The following AGR3 variants were observed in gnomAD, a reference collection of about 807,000 sequenced individuals.
The protein encoded by AGR3 is anterior gradient 3, protein disulphide isomerase family member, also known as anterior gradient protein 3.
Under a neutral mutation model 24.5 loss-of-function variants are expected in AGR3, and 37 were observed. The observed-to-expected ratio is 1.51, with a 90% CI of 1.16 to 1.99. The LOEUF (loss-of-function observed/expected upper bound fraction) is 1.99. AGR3 is among the 30% of genes most tolerant of loss of function. The pLI is 0.00. For synonymous variants in AGR3, 75 were observed against 61.6 expected (o/e 1.22, Z -1.02); for missense variants, 228 against 191.1 (o/e 1.19, Z -1.14).
chr7:16,862,857 G>T (rs938560526), intron 3 of AGR3, among the ~76,000 whole-genome samples, 195 bp from the exon 4 acceptor site: 1 of 152,126 alleles, frequency 6.6e-6, no homozygotes, highest in Admixed American at 6.5e-5. Context: ...GTATCACTAG[G>T]TAGCTTATTA....
In AGR3 at chr7:16,873,902, G is replaced by A. The variant is rs528025068; in HGVS notation, c.110-59C>T. The stretch of plus-strand genomic sequence containing the variant: ...CAGAACTAGAGAAGAGCTCGGAAAT[G>A]GGTATCTAATAATCAGATATCTACC... On this transcript the variant is annotated intron_variant, in intron 2 of 7. Transcript: ENST00000310398. The A allele has an allele frequency of 2.1e-4, 263 of 1,247,852 alleles. 1 individual carries two copies. The South Asian group carries it at 3.0e-3, about 14-fold the overall frequency. 77.3% of individuals were successfully genotyped at this position (1,247,852 alleles called of 1,614,324 possible). A position where few individuals can be genotyped will look rare whatever the true frequency, so the allele number is the denominator to read the frequency against.
chr7:16,866,078 A>G (rs13241478), intron 3 of AGR3: 115,867 of 601,770 alleles, frequency 0.19, 12,257 homozygotes, highest in Middle Eastern at 0.23. Context: ...AATTTTCTAA[A>G]CCATATATCT....
In AGR3 at chr7:16,864,751, C is replaced by G. The variant is rs886892937; in HGVS notation, c.174-2089G>C. On this transcript the variant is annotated intron_variant, in intron 3 of 7. Transcript: ENST00000310398. ...CTGCGGTGTGTGCGAGGGTCAAAAA[C>G]TTGATCCTTCTCCTTGGCAATGAGC... 22 of 1,276,110 alleles carry G rather than the reference C, an allele frequency of 1.7e-5. No homozygotes were observed. The Admixed American group carries it at 3.4e-4, about 19-fold the overall frequency. The allele number at this position is 1,276,110 out of a possible 1,614,324, so 79.0% of individuals were successfully genotyped here. A position where few individuals can be genotyped will look rare whatever the true frequency, so the allele number is the denominator to read the frequency against.
At chr7:16,877,621 T>C (rs1234710485) in intron 2 of AGR3, among the ~76,000 whole-genome samples, 2 of 151,946 alleles carry the variant, frequency 1.3e-5, no homozygotes, top group Non-Finnish European at 2.9e-5. Flanking sequence ...CCCAGCACTT[T>C]GGGAGGCCGA....
At chr7:16,869,673 G>GTT (rs71007797) in intron 3 of AGR3, among the ~76,000 whole-genome samples, 2 of 125,896 alleles carry the variant, frequency 1.6e-5, no homozygotes, top group African/African-American at 6.4e-5. Flanking sequence ...TTGTGAGTTT[G>GTT]TTTTTTTTTT....
chr7:16,879,922 T>C (rs1327539455), intron 1 of AGR3, among the ~76,000 whole-genome samples: 2 of 152,112 alleles, frequency 1.3e-5, no homozygotes, highest in Non-Finnish European at 2.9e-5. Flanking sequence ...TCCTCATTCC[T>C]CCCATTATAC....
intron 3 of AGR3, among the ~76,000 whole-genome samples, chr7:16,863,289 T>C (rs1781685092): frequency 6.6e-6 from 1 of 152,212 alleles, no homozygotes; most frequent in African/African-American, 2.4e-5. Context: ...GTATAAGATT[T>C]CAGGAAAGTC....
downstream of AGR3, among the ~76,000 whole-genome samples, chr7:16,858,710 A>C (rs1781586529): frequency 1.3e-5 from 2 of 152,028 alleles, no homozygotes; most frequent in South Asian, 4.2e-4. Flanking sequence ...GTCTCTATTA[A>C]AAATACAAAA....
rs1411436378 is a variant in AGR3, at chr7:16,878,516, A to G, written c.103T>C (p.Ser35Pro). 4 of 1,612,758 alleles carry G rather than the reference A, an allele frequency of 2.5e-6. No individual in the cohort carries two copies. The highest frequency in any genetic ancestry group is 3.4e-6 in the Non-Finnish European group (4 of 1,178,882). ...TAAAATGAGATTACAGCACCTCTTG[A>G]GAGTGTCTGAGGAGGCCTCTTTTCC... ...KKEKRPPQTL[S>P]RGWGDDITWV... Residue 35 changes from serine to proline, a missense_variant, in exon 2 of 8, where the codon TCA (serine) becomes CCA (proline). Transcript: ENST00000310398.
At chr7:16,866,253 A>G in intron 3 of AGR3, 5 of 529,348 alleles carry the variant, frequency 9.4e-6, no homozygotes, top group South Asian at 5.9e-5. Context: ...TGATGGGTCA[A>G]TCCAGTCTGT....
At chr7:16,859,695 T>A in intron 7 of AGR3, 64 bp from the exon 8 acceptor site, 1 of 1,103,084 alleles carries the variant, frequency 9.1e-7, no homozygotes, top group Non-Finnish European at 1.3e-6. Flanking sequence ...TATGATCTAT[T>A]AACTCTAGAA....
chr7:16,873,072 C>A (rs1434406573), intron 3 of AGR3, among the ~76,000 whole-genome samples: 1 of 152,064 alleles, frequency 6.6e-6, no homozygotes, highest in Non-Finnish European at 1.5e-5. Flanking sequence ...ATATAACTAC[C>A]ATATGATCCA....
rs1016242636 is a variant in AGR3, at chr7:16,878,789, C to A, written c.-27-144G>T. 18 of 577,682 alleles carry A rather than the reference C, an allele frequency of 3.1e-5. No homozygotes were observed. The African/African-American group carries it at 3.4e-4, about 11-fold the overall frequency. 35.8% of individuals were successfully genotyped at this position (577,682 alleles called of 1,614,324 possible). On this transcript the variant is annotated intron_variant, in intron 1 of 7. Transcript: ENST00000310398. ...ACATGGTATAACCAACCACATAGAA[C>A]TTTCATTCACATTTTATTTTTAAAA...
At chr7:16,875,736 G>A (rs1781975427) in intron 2 of AGR3, among the ~76,000 whole-genome samples, 1 of 151,520 alleles carries the variant, frequency 6.6e-6, no homozygotes, top group Admixed American at 6.6e-5. Context: ...CAACATTTTT[G>A]TTTTTTGTTT....
chr7:16,878,403 T>G, intron 2 of AGR3, 107 bp downstream of exon 2: 1 of 920,482 alleles, frequency 1.1e-6, no homozygotes, highest in Non-Finnish European at 1.6e-6. Context: ...CAAAAATCAT[T>G]CAGTTAGTTG....
At chr7:16,875,904 A>G (rs10236232) in intron 2 of AGR3, among the ~76,000 whole-genome samples, 141,506 of 152,234 alleles carry the variant, frequency 0.93, 66,351 homozygotes, top group Non-Finnish European at 1. Flanking sequence ...ATTTTGCATT[A>G]AGTAAAAGTT....
intron 2 of AGR3, among the ~76,000 whole-genome samples, chr7:16,878,149 G>T (rs1263230679): frequency 6.6e-6 from 1 of 151,718 alleles, no homozygotes; most frequent in Non-Finnish European, 1.5e-5. Flanking sequence ...GGAAATAGAG[G>T]ACTGGGAATT....
At chr7:16,867,365 C>G (rs1781777511) in intron 3 of AGR3, among the ~76,000 whole-genome samples, 2 of 151,976 alleles carry the variant, frequency 1.3e-5, no homozygotes, top group African/African-American at 4.8e-5. Context: ...TGTCAACTAC[C>G]TATCAATAAT....
At chr7:16,856,689 C>G (rs1233214420), downstream of AGR3, among the ~76,000 whole-genome samples, 1 of 152,108 alleles carries the variant, frequency 6.6e-6, no homozygotes, top group East Asian at 1.9e-4. Context: ...ATTGTGCATA[C>G]TATTTCAGGT....
Sources: allele counts gnomAD v4.1 joint callset (sites outside exome capture counted in the v4.1 genomes callset), GRCh38; gene constraint gnomAD v4.1.1; transcripts MANE v1.5; gene names NCBI Gene and HGNC (gene_info 2026-07-23, HGNC 2026-07-21).